Variants in ANKRD17 observed in about 807,000 individuals in gnomAD.
ANKRD17 encodes ankyrin repeat domain-containing protein 17.
Under a neutral mutation model 229.7 loss-of-function variants are expected in ANKRD17, and 19 were observed. That is an observed-to-expected ratio of 0.08 (90% CI 0.06 to 0.12). ANKRD17 has a LOEUF of 0.12. Ranked by LOEUF, ANKRD17 falls within the 10% of genes least tolerant of loss-of-function variation. The pLI is 1.00. For synonymous variants in ANKRD17, 1,112 were observed against 1,146.1 expected, an observed-to-expected ratio of 0.97 and a Z score of 0.60; for missense variants, 2,176 against 3,176.8, an observed-to-expected ratio of 0.68 and a Z score of 7.57.
chr4:73,131,491 C>G (rs1728191299), intron 16 of ANKRD17, among the ~76,000 whole-genome samples: 1 of 152,118 alleles, frequency 6.6e-6, no homozygotes, highest in African/African-American at 2.4e-5. Flanking sequence ...GTTAAGTATG[C>G]AAAGATGAAA....
chr4:73,194,786 A>T (rs1737615406), intron 1 of ANKRD17, among the ~76,000 whole-genome samples: 1 of 152,104 alleles, frequency 6.6e-6, no homozygotes, highest in African/African-American at 2.4e-5. Flanking sequence ...ATTAACCTGA[A>T]ATAAATCATA....
At chr4:73,248,343 C>T (rs1466845250) in intron 1 of ANKRD17, among the ~76,000 whole-genome samples, 1 of 151,898 alleles carries the variant, frequency 6.6e-6, no homozygotes, top group Non-Finnish European at 1.5e-5. Flanking sequence ...TCCCTATGAT[C>T]ATAAGGCACA....
intron 24 of ANKRD17, among the ~76,000 whole-genome samples, chr4:73,107,830 C>T (rs1432432082): frequency 2.0e-5 from 3 of 152,062 alleles, no homozygotes; most frequent in Non-Finnish European, 4.4e-5. Context: ...GAGGGAAAGT[C>T]ATTGTCGGGC....
intron 12 of ANKRD17, 82 bp from the exon 13 acceptor site, chr4:73,142,467 C>T (rs1729733904): frequency 4.5e-6 from 7 of 1,564,602 alleles, no homozygotes; most frequent in Non-Finnish European, 6.0e-6. Context: ...ATAAAGCCAA[C>T]AGGTCCCAGA....
At chr4:73,200,130 A>G (rs879658968) in intron 1 of ANKRD17, among the ~76,000 whole-genome samples, 2 of 152,132 alleles carry the variant, frequency 1.3e-5, no homozygotes, top group Admixed American at 1.3e-4. Flanking sequence ...ACAGACCATA[A>G]ATCTCCCCAT....
chr4:73,103,034 A>G (rs1724197003), intron 24 of ANKRD17, among the ~76,000 whole-genome samples: 1 of 152,108 alleles, frequency 6.6e-6, no homozygotes, highest in South Asian at 2.1e-4. Flanking sequence ...TAGTGAAAAA[A>G]CAAGGGTTCA....
intron 1 of ANKRD17, among the ~76,000 whole-genome samples, chr4:73,249,752 A>C (rs1744819978): frequency 6.6e-6 from 1 of 152,256 alleles, no homozygotes; most frequent in Non-Finnish European, 1.5e-5. Context: ...GCTACCTGGG[A>C]GGCTGAGGCA....
rs1382022807 is a variant in ANKRD17, at chr4:73,085,424, T to C, written c.6984A>G (p.Pro2328=). ...SPSGIVNMDS[P]YGSVTPSSTH... is the part of the protein sequence containing the mutation. Reference sequence around the variant, plus strand: ...TTGAAGAAGGTGTTACAGAACCATATGGCGAGTCCATATTGACAATACCTA... The same window carrying C: ...TTGAAGAAGGTGTTACAGAACCATACGGCGAGTCCATATTGACAATACCTA... The change falls in exon 30 of 34, where the codon CCA becomes CCG. Residue 2328 remains proline (P), a synonymous_variant. Coordinates refer to ENST00000358602, the MANE Select transcript of ANKRD17 (RefSeq NM_032217.5). 3 of 1,613,962 alleles carry C rather than the reference T, an allele frequency of 1.9e-6. No individual in the cohort carries two copies. The highest frequency in any genetic ancestry group is 2.2e-5 in the South Asian group (2 of 91,086).
chr4:73,147,163 C>T (rs941284231), intron 9 of ANKRD17, 78 bp downstream of exon 9: 25 of 1,317,056 alleles, frequency 1.9e-5, no homozygotes, highest in Non-Finnish European at 2.6e-5. Flanking sequence ...ATCATAGCAT[C>T]ATAAAAATAT....
At chr4:73,101,924 A>G (rs1053717461) in intron 25 of ANKRD17, among the ~76,000 whole-genome samples, 3 of 151,948 alleles carry the variant, frequency 2.0e-5, no homozygotes, top group African/African-American at 2.4e-5. Context: ...AAAAAAGCAT[A>G]TATCTTTTCT....
chr4:73,106,298 C>T (rs1724608207), intron 24 of ANKRD17, among the ~76,000 whole-genome samples: 1 of 152,068 alleles, frequency 6.6e-6, no homozygotes, highest in African/African-American at 2.4e-5. Flanking sequence ...AGGGCACTAA[C>T]CCAACTGATG....
At chr4:73,155,037 T>C (rs1368509180) in intron 5 of ANKRD17, among the ~76,000 whole-genome samples, 9 of 141,412 alleles carry the variant, frequency 6.4e-5, no homozygotes, top group Non-Finnish European at 9.1e-5. Context: ...CGAGACTCCG[T>C]CTCAAAAAAA....
In ANKRD17 at chr4:73,091,851, G is replaced by A. The variant is rs1349467609; in HGVS notation, c.5777C>T (p.Pro1926Leu). The A allele has an allele frequency of 3.7e-6, 6 of 1,614,024 alleles. No individual in the cohort carries two copies. Among genetic ancestry groups the A allele is most frequent in the Non-Finnish European group, 5.1e-6 (6 of 1,180,044 alleles). The change falls in exon 29 of 34, where the codon CCG (proline) becomes CTG (leucine). Residue 1926 changes from proline (P) to leucine (L), a missense_variant. Coordinates refer to ENST00000358602, the MANE Select transcript of ANKRD17 (RefSeq NM_032217.5). ...AGGGCTCAAAGGCCTGACAGGAAACGGACCCCAAGTGGATTGAGCTGGTGG... is the reference window on the plus strand; with the variant it reads ...AGGGCTCAAAGGCCTGACAGGAAACAGACCCCAAGTGGATTGAGCTGGTGG... ...TFPPAQSTWGPFPVRPLSPAR... is the reference protein window; with the variant it reads ...TFPPAQSTWGLFPVRPLSPAR...
At chr4:73,242,375 G>A (rs996489634) in intron 1 of ANKRD17, among the ~76,000 whole-genome samples, 2 of 151,964 alleles carry the variant, frequency 1.3e-5, no homozygotes, top group Non-Finnish European at 2.9e-5. Context: ...CATGATAGCA[G>A]GAAGAACTAT....
At chr4:73,168,709 C>T (rs1733568145) in intron 2 of ANKRD17, among the ~76,000 whole-genome samples, 1 of 152,222 alleles carries the variant, frequency 6.6e-6, no homozygotes, top group Admixed American at 6.5e-5. Context: ...AGCCCCTGGC[C>T]ACAGCATTGT....
chr4:73,162,295 C>T (rs534187178), intron 2 of ANKRD17, among the ~76,000 whole-genome samples: 202 of 152,210 alleles, frequency 1.3e-3, no homozygotes, highest in African/African-American at 4.7e-3. Context: ...AGGAATCCTC[C>T]GGCCTCAGCA....
rs1436745704 is a variant in ANKRD17, at chr4:73,076,224, A to ATCC, written c.*4_*6dup. 1 of 1,606,856 alleles carries ATCC rather than the reference A, an allele frequency of 6.2e-7. No individual in the cohort carries two copies. The highest frequency in any genetic ancestry group is 8.5e-7 in the Non-Finnish European group (1 of 1,177,346). On this transcript the variant is annotated 3_prime_UTR_variant, in exon 34 of 34. Coordinates refer to ENST00000358602, the MANE Select transcript of ANKRD17 (RefSeq NM_032217.5). ...AAGGAATCTGCAGGCTAACAAGCTGATCCTCATCAGCCAAGCTGGTTCATA... is the reference window on the plus strand; with the variant it reads ...AAGGAATCTGCAGGCTAACAAGCTGATCCTCCTCATCAGCCAAGCTGGTTCATA...
chr4:73,193,934 AAAC>A (rs1291178438), intron 1 of ANKRD17, among the ~76,000 whole-genome samples: 4 of 152,288 alleles, frequency 2.6e-5, no homozygotes, highest in African/African-American at 4.8e-5. Context: ...CTTGTCTCAA[AAAC>A]AACAACAAAA....
At chr4:73,200,002 G>C (rs1738434381) in intron 1 of ANKRD17, among the ~76,000 whole-genome samples, 1 of 152,090 alleles carries the variant, frequency 6.6e-6, no homozygotes, top group Admixed American at 6.6e-5. Flanking sequence ...AAACACAGAA[G>C]AGCTTTTGTC....
Sources: gnomAD v4.1 joint callset for allele counts (sites outside exome capture counted in the v4.1 genomes callset) on GRCh38, gnomAD v4.1.1 for gene constraint, MANE v1.5 for transcripts, NCBI Gene and HGNC (gene_info 2026-07-23, HGNC 2026-07-21) for gene names.